The following SNTG2 variants were observed in gnomAD, a reference collection of about 807,000 sequenced individuals.
The protein encoded by SNTG2 is gamma-2-syntrophin.
SNTG2 carries 74 observed loss-of-function variants against 70.9 expected under a neutral mutation model. The observed-to-expected ratio is 1.04, with a 90% CI of 0.86 to 1.27. The LOEUF is 1.27. SNTG2 is among the 50% of genes most tolerant of loss of function. SNTG2 has a pLI of 0.00. For synonymous variants in SNTG2, 278 were observed against 273.8 expected (o/e 1.02, Z -0.15); for missense variants, 717 against 690.7 (o/e 1.04, Z -0.43).
chr2:1,291,192 A>G (rs184355508), intron 14 of SNTG2, among the ~76,000 whole-genome samples: 234 of 152,078 alleles, frequency 1.5e-3, no homozygotes, highest in African/African-American at 5.2e-3. Flanking sequence ...CCGTCTTTTA[A>G]TTGGGTTGTT....
At chr2:1,188,874 T>C (rs1433873967) in intron 8 of SNTG2, among the ~76,000 whole-genome samples, 2 of 152,144 alleles carry the variant, frequency 1.3e-5, no homozygotes, top group Non-Finnish European at 2.9e-5. Flanking sequence ...TAAATATATT[T>C]TTAATGGTGA....
chr2:1,229,004 C>G (rs1454686015), intron 9 of SNTG2, among the ~76,000 whole-genome samples: 1 of 152,110 alleles, frequency 6.6e-6, no homozygotes, highest in East Asian at 1.9e-4. Flanking sequence ...CGTGGTCTCT[C>G]TGGCTTCAGG....
At chr2:1,188,500 A>T (rs1003329636) in intron 8 of SNTG2, among the ~76,000 whole-genome samples, 3 of 152,178 alleles carry the variant, frequency 2.0e-5, no homozygotes, top group Non-Finnish European at 2.9e-5. Flanking sequence ...GACACACTCA[A>T]AATAAATTTT....
chr2:1,154,570 G>T lies in SNTG2; in HGVS notation c.412-10978G>T, dbSNP rs1411079955. Among the ~76,000 whole-genome samples, 4 of 152,100 alleles carry T rather than the reference G, an allele frequency of 2.6e-5. 1 individual carries two copies. Among genetic ancestry groups the T allele is most frequent in the Admixed American group, 2.6e-4 (4 of 15,268 alleles). Reference sequence around the variant, plus strand: ...AAGGGCACAAGAAGAGAAAAAGTGAGGGATGGAGCACCTGCAGCAGCGTGA... The same window carrying T: ...AAGGGCACAAGAAGAGAAAAAGTGATGGATGGAGCACCTGCAGCAGCGTGA... On this transcript the variant is annotated intron_variant, in intron 6 of 16. Coordinates refer to ENST00000308624, the MANE Select transcript of SNTG2 (RefSeq NM_018968.4).
At position 1,259,339 on chromosome 2, in the gene SNTG2, C is replaced by G. The variant is rs1463165016; in HGVS notation, c.1006-31C>G. On this transcript the variant is annotated intron_variant, in intron 12 of 16. Transcript: ENST00000308624. The stretch of plus-strand genomic sequence containing the variant: ...TTTTTCAACTAAAAGTAGCATGCTG[C>G]TTTTCATGGAACGTTCTCTGTTTCT... 4 of 1,610,596 alleles carry G rather than the reference C, an allele frequency of 2.5e-6. No homozygotes were observed. In the East Asian group the frequency reaches 8.9e-5, roughly 36 times the overall value.
intron 9 of SNTG2, among the ~76,000 whole-genome samples, chr2:1,224,227 G>A (rs920962700): frequency 2.0e-5 from 3 of 152,218 alleles, no homozygotes; most frequent in Non-Finnish European, 2.9e-5. Context: ...GGGGAGCCAC[G>A]TTCAATCCAC....
At chr2:1,299,072 C>A in intron 14 of SNTG2, among the ~76,000 whole-genome samples, 1 of 152,322 alleles carries the variant, frequency 6.6e-6, no homozygotes, top group East Asian at 1.9e-4. Context: ...TGATATATAT[C>A]TATCCCATTA....
At chr2:1,359,456 C>T (rs73908874) in intron 16 of SNTG2, among the ~76,000 whole-genome samples, 6,231 of 152,164 alleles carry the variant, frequency 0.041, 419 homozygotes, top group African/African-American at 0.14. Flanking sequence ...TTTTCTTTGT[C>T]TCTTGTAACA....
At chr2:1,240,636 A>G (rs1188624257) in intron 11 of SNTG2, among the ~76,000 whole-genome samples, 1 of 152,258 alleles carries the variant, frequency 6.6e-6, no homozygotes, top group Non-Finnish European at 1.5e-5. Flanking sequence ...AGTGCTTAGC[A>G]AGAATATTTG....
chr2:1,353,256 C>T lies in SNTG2; in HGVS notation c.1489-14087C>T, dbSNP rs572120860. 8.1e-4 allele frequency among the ~76,000 whole-genome samples: 123 copies of T among 152,232 alleles called. No individual in the cohort carries two copies. Among genetic ancestry groups the T allele is most frequent in the African/African-American group, 2.7e-3 (113 of 41,544 alleles). On this transcript the variant is annotated intron_variant, in intron 16 of 16. Transcript: ENST00000308624. The surrounding 1 kb of genome is among the most constrained non-coding windows in gnomAD (Gnocchi z 4.2). ...ACCTCCCGCCCACAGAAACAGTGGG[C>T]GGAAGGAGCACGACCTGAGCTCCAG...
At chr2:1,283,753 A>G (rs1199523090) in intron 14 of SNTG2, among the ~76,000 whole-genome samples, 2 of 152,156 alleles carry the variant, frequency 1.3e-5, no homozygotes, top group Non-Finnish European at 2.9e-5. Context: ...ATGCCCGGTC[A>G]TTCGTATCCT....
At chr2:1,079,737 C>A (rs929000429) in intron 1 of SNTG2, among the ~76,000 whole-genome samples, 3 of 152,142 alleles carry the variant, frequency 2.0e-5, no homozygotes, top group African/African-American at 7.2e-5. Context: ...CAGGCAATGT[C>A]CTCACCAGGA....
chr2:1,291,522 G>A (rs1275105886), intron 14 of SNTG2, among the ~76,000 whole-genome samples: 5 of 152,050 alleles, frequency 3.3e-5, no homozygotes, highest in African/African-American at 1.2e-4. Context: ...TTTAATTTTG[G>A]GATATGATGT....
At chr2:1,331,702 G>C (rs1659540930) in intron 16 of SNTG2, among the ~76,000 whole-genome samples, 1 of 152,182 alleles carries the variant, frequency 6.6e-6, no homozygotes. Context: ...TCACTTGATA[G>C]TGTGTGGCCT....
At chr2:1,025,284 C>T (rs182918488) in intron 1 of SNTG2, among the ~76,000 whole-genome samples, 142 of 152,074 alleles carry the variant, frequency 9.3e-4, no homozygotes, top group Non-Finnish European at 1.8e-3. Flanking sequence ...TAGCACAGGA[C>T]GGGGTGAGGG....
intron 1 of SNTG2, among the ~76,000 whole-genome samples, chr2:956,323 T>A (rs1461664693): frequency 6.6e-6 from 1 of 151,564 alleles, no homozygotes; most frequent in Non-Finnish European, 1.5e-5. Flanking sequence ...TGCGCGGACC[T>A]TTCCAAAACT....
intron 9 of SNTG2, among the ~76,000 whole-genome samples, chr2:1,226,295 G>A (rs762851317): frequency 1.1e-4 from 17 of 152,204 alleles, no homozygotes; most frequent in Non-Finnish European, 2.4e-4. Flanking sequence ...TGAACACAAT[G>A]TGTGTTTCTC....
rs770766020 is a variant in SNTG2 at position 1,137,659 on chromosome 2, T to C, written c.363T>C (p.Val121=). Residue 121 remains valine, a synonymous_variant, in exon 5 of 17, where the codon GTT becomes GTC. Coordinates refer to ENST00000308624, the MANE Select transcript of SNTG2 (RefSeq NM_018968.4). ...QTGMLFVGDA[V]LQVNGIHVEN... The stretch of plus-strand genomic sequence containing the variant: ...GGATGTTGTTCGTAGGAGATGCTGT[T>C]CTCCAGGTCAGTATTGTACACGTTA... 3 of 1,613,184 alleles carry C rather than the reference T, an allele frequency of 1.9e-6. No individual in the cohort carries two copies. The East Asian group carries it at 6.7e-5, about 36-fold the overall frequency.
chr2:1,195,876 G>A (rs1672876718), intron 8 of SNTG2, among the ~76,000 whole-genome samples: 1 of 151,562 alleles, frequency 6.6e-6, no homozygotes, highest in Non-Finnish European at 1.5e-5. Context: ...CGGGTTTAGT[G>A]ATTATCTTTA....
Sources: gnomAD v4.1 joint callset for allele counts (sites outside exome capture counted in the v4.1 genomes callset) on GRCh38, gnomAD v4.1.1 for gene constraint, Gnocchi (gnomAD v3.1) non-coding constraint, MANE v1.5 for transcripts, NCBI Gene and HGNC (gene_info 2026-07-23, HGNC 2026-07-21) for gene names.